Variants in MYO3B observed in about 807,000 individuals in gnomAD.
MYO3B encodes the protein myosin-IIIb.
A neutral mutation model predicts 174.6 loss-of-function variants in MYO3B; 156 were observed. That is an observed-to-expected ratio of 0.89 (90% CI 0.78 to 1.02). MYO3B has a LOEUF of 1.02. Among genes scored for constraint, MYO3B ranks in the 50% least tolerant of loss-of-function variants. MYO3B has a pLI of 0.00. For synonymous variants in MYO3B, 563 were observed against 569.1 expected (o/e 0.99, Z 0.15); for missense variants, 1,632 against 1,639.4 (o/e 1.00, Z 0.08).
chr2:170,603,391 T>C (rs972091267), intron 32 of MYO3B, among the ~76,000 whole-genome samples: 3 of 152,252 alleles, frequency 2.0e-5, no homozygotes, highest in African/African-American at 7.2e-5. Context: ...ATGCATTTGC[T>C]ATATAAGCCA....
chr2:170,414,289 G>A (rs994308783), intron 22 of MYO3B, among the ~76,000 whole-genome samples: 4 of 152,000 alleles, frequency 2.6e-5, no homozygotes, highest in Admixed American at 1.3e-4. Flanking sequence ...CCAGGTTCAA[G>A]CAATTCTCCT....
intron 23 of MYO3B, among the ~76,000 whole-genome samples, chr2:170,450,602 G>C (rs1683546103): frequency 6.6e-6 from 1 of 151,758 alleles, no homozygotes; most frequent in Admixed American, 6.6e-5. Context: ...AGGCAAACAA[G>C]ATTTGTTTTC....
chr2:170,422,334 T>C (rs1026490224), intron 22 of MYO3B, among the ~76,000 whole-genome samples: 4 of 152,068 alleles, frequency 2.6e-5, no homozygotes, highest in Non-Finnish European at 5.9e-5. Context: ...CCCCAAGTAG[T>C]TGAGATCACA....
chr2:170,245,055 G>C (rs1209591357), intron 7 of MYO3B, among the ~76,000 whole-genome samples: 1 of 152,190 alleles, frequency 6.6e-6, no homozygotes, highest in Non-Finnish European at 1.5e-5. Flanking sequence ...TGAACACACT[G>C]ACTGCGGGAA....
chr2:170,329,973 G>A (rs1201290397), intron 7 of MYO3B, among the ~76,000 whole-genome samples: 1 of 151,536 alleles, frequency 6.6e-6, no homozygotes, highest in Non-Finnish European at 1.5e-5. Context: ...GCTTTTATGA[G>A]TAAGGAAATA....
chr2:170,466,700 A>AT lies in MYO3B; in HGVS notation c.3006dup (p.Val1003CysfsTer18). The AT allele has an allele frequency of 6.2e-7, 1 of 1,614,190 alleles. No individual in the cohort carries two copies. The highest frequency in any genetic ancestry group is 2.2e-5 in the East Asian group (1 of 44,888). On this transcript the variant is annotated frameshift_variant, in exon 25 of 35. Coordinates refer to ENST00000408978, the MANE Select transcript of MYO3B (RefSeq NM_138995.5). LOFTEE classifies it high-confidence loss of function. ...ATTCCCACCGCATCCTTTTTGAAGA[A>AT]TTTGTGAAAAGGTCAGACCGTCATC... is the stretch of plus-strand genomic sequence containing the variant.
At chr2:170,501,123 T>C (rs1687244497) in intron 27 of MYO3B, among the ~76,000 whole-genome samples, 1 of 152,138 alleles carries the variant, frequency 6.6e-6, no homozygotes, top group Non-Finnish European at 1.5e-5. Flanking sequence ...GGTGGCTTAA[T>C]GCCCCAGTTT....
intron 26 of MYO3B, among the ~76,000 whole-genome samples, chr2:170,499,441 A>G (rs1429236107): frequency 2.0e-5 from 3 of 152,298 alleles, no homozygotes; most frequent in East Asian, 1.9e-4. Context: ...CTCATCATCT[A>G]TTTACATCAA....
chr2:170,566,495 G>A (rs1364173749), intron 32 of MYO3B, among the ~76,000 whole-genome samples: 4 of 152,112 alleles, frequency 2.6e-5, no homozygotes, highest in Non-Finnish European at 5.9e-5. Flanking sequence ...CTGTCACCTG[G>A]ATTTTTCTGG....
chr2:170,517,442 A>T (rs556019116), intron 29 of MYO3B, among the ~76,000 whole-genome samples: 2 of 151,896 alleles, frequency 1.3e-5, no homozygotes, highest in Non-Finnish European at 2.9e-5. Flanking sequence ...ACCAAAAGAG[A>T]TTTTACAGTT....
rs181884373 is a variant in MYO3B at position 170,625,014 on chromosome 2, G to A, written c.3734-26614G>A. On this transcript the variant is annotated intron_variant, in intron 32 of 34. Transcript: ENST00000408978. ...TGCATCGATGTTCATCAGGGATATTGGTCTAAAATTCTCTTGTTTTGTTGT... is the reference window on the plus strand; with the variant it reads ...TGCATCGATGTTCATCAGGGATATTAGTCTAAAATTCTCTTGTTTTGTTGT... Among the ~76,000 whole-genome samples, 386 of 152,276 alleles carry A rather than the reference G, an allele frequency of 2.5e-3. 1 individual carries two copies. The highest frequency in any genetic ancestry group is 4.2e-3 in the Non-Finnish European group (286 of 68,010).
chr2:170,424,919 A>G (rs1160199312), intron 22 of MYO3B, among the ~76,000 whole-genome samples: 1 of 152,216 alleles, frequency 6.6e-6, no homozygotes, highest in African/African-American at 2.4e-5. Context: ...CATCCTTCTC[A>G]TTCATAGAAA....
intron 22 of MYO3B, among the ~76,000 whole-genome samples, chr2:170,436,628 C>A (rs2094756325): frequency 6.6e-6 from 1 of 152,184 alleles, no homozygotes. Flanking sequence ...GCAGCACTTC[C>A]TTTCATTAAC....
At chr2:170,506,406 A>C (rs1306033700) in intron 28 of MYO3B, among the ~76,000 whole-genome samples, 1 of 152,208 alleles carries the variant, frequency 6.6e-6, no homozygotes, top group Non-Finnish European at 1.5e-5. Flanking sequence ...AGGTGGTTGT[A>C]ATTTCCTAGA....
chr2:170,606,620 A>G (rs913150526), intron 32 of MYO3B, among the ~76,000 whole-genome samples: 1 of 152,224 alleles, frequency 6.6e-6, no homozygotes, highest in African/African-American at 2.4e-5. Context: ...CATTCCTAGA[A>G]AGTGACACAT....
At chr2:170,422,874 G>A (rs72876391) in intron 22 of MYO3B, among the ~76,000 whole-genome samples, 7,844 of 150,780 alleles carry the variant, frequency 0.052, 272 homozygotes, top group Non-Finnish European at 0.069. Context: ...CAATATAAAA[G>A]TTATTGAAAT....
At chr2:170,398,787 A>G (rs1021299741) in intron 16 of MYO3B, among the ~76,000 whole-genome samples, 1 of 152,194 alleles carries the variant, frequency 6.6e-6, no homozygotes, top group Non-Finnish European at 1.5e-5. Flanking sequence ...CCCAATTCAT[A>G]TACCAAAATC....
intron 6 of MYO3B, among the ~76,000 whole-genome samples, chr2:170,220,051 G>T (rs2092876606): frequency 6.6e-6 from 1 of 152,156 alleles, no homozygotes; most frequent in Admixed American, 6.5e-5. Context: ...GAGGTCAGGA[G>T]ATCGAGACCA....
At chr2:170,399,086 T>C (rs1004275330) in intron 16 of MYO3B, among the ~76,000 whole-genome samples, 6 of 151,502 alleles carry the variant, frequency 4.0e-5, no homozygotes, top group African/African-American at 1.5e-4. Context: ...CTACTAAAAA[T>C]ACAAAATTGG....
Sources: gnomAD v4.1 joint callset for allele counts (sites outside exome capture counted in the v4.1 genomes callset) on GRCh38, gnomAD v4.1.1 for gene constraint, MANE v1.5 for transcripts, NCBI Gene and HGNC (gene_info 2026-07-23, HGNC 2026-07-21) for gene names.